TMPRSS11E: variants seen among roughly 807,000 people sequenced by gnomAD.
The protein encoded by TMPRSS11E is transmembrane serine protease 11E.
Under a neutral mutation model 48.1 loss-of-function variants are expected in TMPRSS11E, and 38 were observed. That is an observed-to-expected ratio of 0.79 (90% CI 0.61 to 1.04). The LOEUF (loss-of-function observed/expected upper bound fraction) is 1.04. TMPRSS11E is among the 50% of genes least tolerant of loss of function. TMPRSS11E has a pLI of 0.00. For synonymous variants in TMPRSS11E, 158 were observed against 171.9 expected, an observed-to-expected ratio of 0.92 and a Z score of 0.63; for missense variants, 530 against 510.8, an observed-to-expected ratio of 1.04 and a Z score of -0.36.
chr4:68,477,021 A>G (rs1428426112), intron 7 of TMPRSS11E, among the ~76,000 whole-genome samples: 1 of 152,130 alleles, frequency 6.6e-6, no homozygotes, highest in African/African-American at 2.4e-5. Context: ...AGAAATGTGT[A>G]TATTTCTGGG....
rs150924913 is a variant in TMPRSS11E, at chr4:68,495,505, C to T, written c.1111-1138C>T. On this transcript the variant is annotated intron_variant, in intron 9 of 9. Transcript: ENST00000305363. ...TTGCAGGTTTCTAGAGGACAAGATC[C>T]ATGTGTTTATAATACTCTTTTTATA... 4.2e-3 allele frequency among the ~76,000 whole-genome samples: 643 copies of T among 152,110 alleles called. 3 individuals carry two copies. Among genetic ancestry groups the T allele is most frequent in the African/African-American group, 0.014 (587 of 41,510 alleles).
At position 68,462,434 on chromosome 4, in the gene TMPRSS11E, A is replaced by G. The variant is rs1578134688; in HGVS notation, c.136+489A>G. Among the ~76,000 whole-genome samples, 10 of 141,932 alleles carry G rather than the reference A, an allele frequency of 7.0e-5. No homozygotes were observed. In the South Asian group the frequency reaches 2.2e-3, roughly 32 times the overall value. The allele number at this position is 141,932 out of a possible 152,430, so 93.1% of individuals were successfully genotyped here. ...TCTACTAAAAAAAAAAAAAAAAAAAATAGCCAGGTGTGATGGTGTACACCT... is the reference window on the plus strand; with the variant it reads ...TCTACTAAAAAAAAAAAAAAAAAAAGTAGCCAGGTGTGATGGTGTACACCT... On this transcript the variant is annotated intron_variant, in intron 2 of 9. Transcript: ENST00000305363.
intron 9 of TMPRSS11E, among the ~76,000 whole-genome samples, chr4:68,485,602 G>C (rs1729531220): frequency 6.6e-6 from 1 of 152,176 alleles, no homozygotes; most frequent in Admixed American, 6.5e-5. Flanking sequence ...ATATTGTCCT[G>C]AAGTTTTCTC....
At chr4:68,465,725 A>C (rs1238949793) in intron 2 of TMPRSS11E, among the ~76,000 whole-genome samples, 1 of 152,142 alleles carries the variant, frequency 6.6e-6, no homozygotes, top group Non-Finnish European at 1.5e-5. Flanking sequence ...CTGTGACTGG[A>C]TGAGCCACAG....
At chr4:68,487,932 A>G (rs1196134482) in intron 9 of TMPRSS11E, among the ~76,000 whole-genome samples, 1 of 109,154 alleles carries the variant, frequency 9.2e-6, no homozygotes, top group Non-Finnish European at 1.7e-5. Flanking sequence ...CAAGGGTGAG[A>G]CTCTGTCTCA....
intron 1 of TMPRSS11E, among the ~76,000 whole-genome samples, chr4:68,448,628 G>A (rs139101166): frequency 3.0e-3 from 448 of 151,834 alleles, no homozygotes; most frequent in African/African-American, 0.011. Flanking sequence ...GTGTAGAGGC[G>A]GTATAATGTG....
At chr4:68,464,012 G>A (rs1386786837) in intron 2 of TMPRSS11E, among the ~76,000 whole-genome samples, 2 of 152,106 alleles carry the variant, frequency 1.3e-5, no homozygotes, top group Non-Finnish European at 2.9e-5. Flanking sequence ...TGAAAACTTG[G>A]CAAGAATTTT....
intron 8 of TMPRSS11E, 114 bp from the exon 9 acceptor site, chr4:68,478,735 G>A (rs1287453676): frequency 9.7e-6 from 11 of 1,130,330 alleles, no homozygotes; most frequent in African/African-American, 4.7e-5. Context: ...GATTACTGGC[G>A]TTAGTCACCG....
chr4:68,449,790 A>G (rs1382592120), intron 1 of TMPRSS11E, among the ~76,000 whole-genome samples: 1 of 151,930 alleles, frequency 6.6e-6, no homozygotes, highest in East Asian at 1.9e-4. Flanking sequence ...CCAGTTGTTA[A>G]AAGTAGTTCT....
intron 9 of TMPRSS11E, among the ~76,000 whole-genome samples, chr4:68,485,113 A>G (rs1251293906): frequency 1.3e-5 from 2 of 151,956 alleles, no homozygotes; most frequent in African/African-American, 4.8e-5. Flanking sequence ...ATTTTGAAGT[A>G]TGTTCCTCTG....
At chr4:68,483,474 A>G (rs1729466592) in intron 9 of TMPRSS11E, among the ~76,000 whole-genome samples, 1 of 152,022 alleles carries the variant, frequency 6.6e-6, no homozygotes, top group Non-Finnish European at 1.5e-5. Context: ...TTTAAAAGGG[A>G]GTTGTTTGTT....
chr4:68,454,445 T>C (rs1200720319), intron 1 of TMPRSS11E, among the ~76,000 whole-genome samples: 1 of 151,956 alleles, frequency 6.6e-6, no homozygotes, highest in Non-Finnish European at 1.5e-5. Flanking sequence ...TATTAGAACG[T>C]AATTGTCAAG....
In TMPRSS11E at chr4:68,471,472, T is replaced by C. The variant is rs1729065881; in HGVS notation, c.339T>C (p.His113=). The C allele has an allele frequency of 5.8e-6, 8 of 1,367,688 alleles. No homozygotes were observed. The highest frequency in any genetic ancestry group is 2.1e-4 in the Middle Eastern group (1 of 4,864). 84.7% of individuals were successfully genotyped at this position (1,367,688 alleles called of 1,614,324 possible). A position where few individuals can be genotyped will look rare whatever the true frequency, so the allele number is the denominator to read the frequency against. ...TTTTGGCCCACAGTCAACAGAAGCA[T>C]GGAGTGTTGGCTCATATGCTGTTGA... ...SQVIKFSQQK[H]GVLAHMLLIC... Residue 113 remains histidine (H), a synonymous_variant, in exon 5 of 10, where the codon CAT becomes CAC. Transcript: ENST00000305363.
intron 7 of TMPRSS11E, 123 bp downstream of exon 7, chr4:68,476,561 C>A: frequency 2.1e-6 from 2 of 956,232 alleles, no homozygotes; most frequent in South Asian, 2.0e-5. Context: ...GTGTATATCA[C>A]AAAAGACTGG....
intron 2 of TMPRSS11E, among the ~76,000 whole-genome samples, chr4:68,465,339 T>G (rs1210689824): frequency 6.6e-6 from 1 of 152,194 alleles, no homozygotes; most frequent in Non-Finnish European, 1.5e-5. Context: ...CTCTGTCCCA[T>G]CAAATCCTCT....
chr4:68,488,766 C>T (rs547643402), intron 9 of TMPRSS11E, among the ~76,000 whole-genome samples: 1 of 152,232 alleles, frequency 6.6e-6, no homozygotes, highest in South Asian at 2.1e-4. Context: ...GTTTCGATCT[C>T]CTGACCTCGT....
chr4:68,470,893 G>T (rs534654544), intron 4 of TMPRSS11E, among the ~76,000 whole-genome samples: 1 of 152,042 alleles, frequency 6.6e-6, no homozygotes, highest in East Asian at 1.9e-4. Flanking sequence ...CCTGAAGATT[G>T]TTTAGGGGAG....
intron 9 of TMPRSS11E, among the ~76,000 whole-genome samples, chr4:68,481,192 A>G (rs1729390109): frequency 6.6e-6 from 1 of 152,156 alleles, no homozygotes; most frequent in Admixed American, 6.5e-5. Flanking sequence ...CATTTTCTGT[A>G]TCCAGTCCAC....
intron 1 of TMPRSS11E, among the ~76,000 whole-genome samples, chr4:68,451,817 A>G (rs1189120790): frequency 6.6e-6 from 1 of 151,644 alleles, no homozygotes; most frequent in South Asian, 2.1e-4. Context: ...TTTTTTGCCC[A>G]GGGGTAATAA....
Sources: allele counts gnomAD v4.1 joint callset (sites outside exome capture counted in the v4.1 genomes callset), GRCh38; gene constraint gnomAD v4.1.1; transcripts MANE v1.5; gene names NCBI Gene and HGNC (gene_info 2026-07-23, HGNC 2026-07-21).